The following DLGAP4 variants were observed in gnomAD, a reference collection of about 807,000 sequenced individuals.
DLGAP4 encodes DLG associated protein 4, also known as disks large-associated protein 4.
DLGAP4 carries 18 observed loss-of-function variants against 86.9 expected under a neutral mutation model. That is an observed-to-expected ratio of 0.21 (90% CI 0.14 to 0.31). The LOEUF is 0.31. Among genes scored for constraint, DLGAP4 ranks in the 10% least tolerant of loss-of-function variants. DLGAP4 has a pLI of 1.00. For synonymous variants in DLGAP4, 548 were observed against 574.3 expected (o/e 0.95, Z 0.65); for missense variants, 1,085 against 1,362.6 (o/e 0.80, Z 3.21).
chr20:36,359,718 C>T (rs565580291), intron 1 of DLGAP4, among the ~76,000 whole-genome samples: 1 of 152,312 alleles, frequency 6.6e-6, no homozygotes, highest in African/African-American at 2.4e-5. Flanking sequence ...AGGCACATAG[C>T]GGTGTTCCTA....
intron 1 of DLGAP4, among the ~76,000 whole-genome samples, chr20:36,341,105 G>T (rs2065375598): frequency 6.6e-6 from 1 of 152,172 alleles, no homozygotes; most frequent in Non-Finnish European, 1.5e-5. Context: ...TGCTTCCTCT[G>T]TGCAATCCTC....
intron 2 of DLGAP4, among the ~76,000 whole-genome samples, chr20:36,416,047 TG>T (rs1160227598): frequency 6.6e-6 from 1 of 152,236 alleles, no homozygotes; most frequent in East Asian, 1.9e-4. Context: ...CTTCCTTTGC[TG>T]TATGTCCCCA....
chr20:36,503,293 TTAGTG>T (rs1456570003), intron 10 of DLGAP4, among the ~76,000 whole-genome samples: 2 of 152,178 alleles, frequency 1.3e-5, no homozygotes, highest in African/African-American at 2.4e-5. Context: ...ACAATGGCAC[TTAGTG>T]TATTCACAGT....
chr20:36,391,685 C>G (rs2147465347), intron 2 of DLGAP4, among the ~76,000 whole-genome samples: 1 of 152,304 alleles, frequency 6.6e-6, no homozygotes, highest in Non-Finnish European at 1.5e-5. Context: ...GTCCCTTTGT[C>G]TTGCAAATGG....
chr20:36,311,456 G>A (rs1019140596), intron 1 of DLGAP4, among the ~76,000 whole-genome samples: 1 of 152,142 alleles, frequency 6.6e-6, no homozygotes, highest in Admixed American at 6.5e-5. Flanking sequence ...ATTTTGTTTG[G>A]AGAATTTTGC....
intron 7 of DLGAP4, chr20:36,462,405 C>A: frequency 6.8e-7 from 1 of 1,460,840 alleles, no homozygotes. Context: ...GTGCCTCTTG[C>A]GCTGAAGGCC....
chr20:36,413,431 T>C (rs1003620910), intron 2 of DLGAP4, among the ~76,000 whole-genome samples: 1 of 144,088 alleles, frequency 6.9e-6, no homozygotes, highest in Non-Finnish European at 1.5e-5. Context: ...TTTTTTTTTT[T>C]TTTTGAGATG....
At chr20:36,375,203 C>T (rs79548731) in intron 2 of DLGAP4, among the ~76,000 whole-genome samples, 2 of 152,272 alleles carry the variant, frequency 1.3e-5, no homozygotes, top group South Asian at 2.1e-4. Flanking sequence ...TCTCCTGCCA[C>T]CCTGCAGGTG....
chr20:36,354,639 C>A (rs1468142349), intron 1 of DLGAP4, among the ~76,000 whole-genome samples: 1 of 152,182 alleles, frequency 6.6e-6, no homozygotes, highest in Admixed American at 6.5e-5. Context: ...TAAAAAACAG[C>A]TGTATTGCTG....
At chr20:36,394,691 C>T (rs1392685311) in intron 2 of DLGAP4, among the ~76,000 whole-genome samples, 6 of 145,342 alleles carry the variant, frequency 4.1e-5, no homozygotes, top group East Asian at 2.3e-4. Context: ...CCACCCTTTC[C>T]GGTCCCTCTC....
chr20:36,517,427 C>T (rs1463925678), intron 10 of DLGAP4, among the ~76,000 whole-genome samples: 23 of 151,988 alleles, frequency 1.5e-4, no homozygotes, highest in Non-Finnish European at 1.3e-4. Context: ...CCACCACACC[C>T]GGTTATTTTT....
At chr20:36,408,809 G>A (rs898514652) in intron 2 of DLGAP4, among the ~76,000 whole-genome samples, 1 of 152,174 alleles carries the variant, frequency 6.6e-6, no homozygotes, top group Non-Finnish European at 1.5e-5. Flanking sequence ...ATGCAATGCG[G>A]TATCCTCGAC....
In DLGAP4 at chr20:36,446,753, T is replaced by C; in HGVS notation, c.1464T>C (p.Ser488=). ...QYEAACESAC[S]EAESTAAETL... ...AGGCGGCCTGCGAGTCAGCCTGCAG[T>C]GAAGCGGAGTCCACAGCGGCAGAGA... The change falls in exon 7 of 13, where the codon AGT becomes AGC. Residue 488 remains serine (S), a synonymous_variant. Coordinates refer to ENST00000339266, the MANE Select transcript of DLGAP4 (RefSeq NM_001365621.2). 1 of 1,613,042 alleles carries C rather than the reference T, an allele frequency of 6.2e-7. No homozygotes were observed. Among genetic ancestry groups the C allele is most frequent in the Non-Finnish European group, 8.5e-7 (1 of 1,179,830 alleles).
chr20:36,401,653 GAT>G (rs2032165089), intron 2 of DLGAP4, among the ~76,000 whole-genome samples: 1 of 152,254 alleles, frequency 6.6e-6, no homozygotes, highest in South Asian at 2.1e-4. Flanking sequence ...CCTTGAATAA[GAT>G]AGGTCAGTCT....
At chr20:36,366,752 T>C (rs948402757) in intron 1 of DLGAP4, among the ~76,000 whole-genome samples, 2 of 152,190 alleles carry the variant, frequency 1.3e-5, no homozygotes, top group African/African-American at 4.8e-5. Flanking sequence ...GGGAAGGATT[T>C]GAGACTTTGG....
At chr20:36,482,426 C>T (rs1283504912) in intron 7 of DLGAP4, among the ~76,000 whole-genome samples, 1 of 152,276 alleles carries the variant, frequency 6.6e-6, no homozygotes, top group East Asian at 1.9e-4. Context: ...TTTTGAGGCT[C>T]TTTCCAAGTA....
chr20:36,432,588 C>G lies in DLGAP4; in HGVS notation c.871C>G (p.Arg291Gly), dbSNP rs906950306. ...GVGTDTNYVK[R>G]GSWSTLTLSH... The stretch of plus-strand genomic sequence containing the variant: ...GGGCACTGACACCAACTACGTCAAA[C>G]GGGGCTCCTGGTCCACTCTGACCCT... The change falls in exon 3 of 13, where the codon CGG becomes GGG. Residue 291 changes from arginine to glycine, a missense_variant. Coordinates refer to ENST00000339266, the MANE Select transcript of DLGAP4 (RefSeq NM_001365621.2). This position sits in a 1 kb window ranked among gnomAD's most constrained non-coding sequence, Gnocchi z 6.5. 1.3e-6 allele frequency: 2 copies of G among 1,582,576 alleles called. No homozygotes were observed. The highest frequency in any genetic ancestry group is 1.7e-4 in the Middle Eastern group (1 of 5,908).
At chr20:36,367,750 C>T (rs905245864) in intron 2 of DLGAP4, among the ~76,000 whole-genome samples, 7 of 152,044 alleles carry the variant, frequency 4.6e-5, no homozygotes, top group Non-Finnish European at 7.4e-5. Flanking sequence ...CTGGCCTGTT[C>T]TCCCCATGCT....
chr20:36,499,350 T>TTCCCCCCACCCCCCCC, intron 8 of DLGAP4: 1 of 1,545,004 alleles, frequency 6.5e-7, no homozygotes, highest in East Asian at 2.5e-5. Flanking sequence ...CTCCACCCCA[T>TTCCCCCCACCCCCCCC]CCCACCTCCC....
Sources: allele counts gnomAD v4.1 joint callset (sites outside exome capture counted in the v4.1 genomes callset), GRCh38; gene constraint gnomAD v4.1.1; non-coding constraint Gnocchi (gnomAD v3.1); transcripts MANE v1.5; gene names NCBI Gene and HGNC (gene_info 2026-07-23, HGNC 2026-07-21).